RALYL: variants seen among roughly 807,000 people sequenced by gnomAD.
RALYL encodes the protein RNA-binding Raly-like protein.
Under a neutral mutation model 35.1 loss-of-function variants are expected in RALYL, and 29 were observed. That is an observed-to-expected ratio of 0.83 (90% CI 0.61 to 1.13). The LOEUF (loss-of-function observed/expected upper bound fraction) is 1.13, where lower values mean the gene tolerates loss of function less well. Ranked by LOEUF, RALYL falls within the 50% of genes most tolerant of loss-of-function variation. The pLI is 0.00. For synonymous variants in RALYL, 120 were observed against 127.6 expected (o/e 0.94, Z 0.40); for missense variants, 359 against 360.4 (o/e 1.00, Z 0.03).
chr8:84,432,348 A>G (rs757971051), intron 1 of RALYL, among the ~76,000 whole-genome samples: 1 of 152,124 alleles, frequency 6.6e-6, no homozygotes, highest in African/African-American at 2.4e-5. Flanking sequence ...AGAGGCAGAG[A>G]ATAGAATGGT....
At chr8:84,444,918 G>C (rs1234596649) in intron 1 of RALYL, among the ~76,000 whole-genome samples, 1 of 152,014 alleles carries the variant, frequency 6.6e-6, no homozygotes, top group African/African-American at 2.4e-5. Context: ...TGAGAACTTA[G>C]ATTAGAAAGA....
chr8:84,661,623 ATTTAT>A (rs1306679537), intron 2 of RALYL, among the ~76,000 whole-genome samples: 32 of 122,090 alleles, frequency 2.6e-4, no homozygotes, highest in Admixed American at 2.3e-3. Context: ...ATTTTATTTT[ATTTAT>A]TTTATTTATT....
At chr8:84,575,788 A>AGTG (rs1809248479) in intron 2 of RALYL, among the ~76,000 whole-genome samples, 1 of 152,118 alleles carries the variant, frequency 6.6e-6, no homozygotes, top group Non-Finnish European at 1.5e-5. Context: ...GGAGACAGAA[A>AGTG]GTGATTGAAG....
chr8:84,491,549 T>C (rs13256795), intron 1 of RALYL, among the ~76,000 whole-genome samples: 53,001 of 151,768 alleles, frequency 0.35, 9,562 homozygotes, highest in South Asian at 0.52. Flanking sequence ...AGCTGATTCC[T>C]ACTAATGTTT....
chr8:84,615,570 C>CTTTTTTTTTTTTT (rs60428128), intron 2 of RALYL, among the ~76,000 whole-genome samples: 75 of 67,396 alleles, frequency 1.1e-3, no homozygotes, highest in African/African-American at 1.7e-3. Flanking sequence ...GAACTTTCGT[C>CTTTTTTTTTTTTT]TTTTTTTTTT....
At chr8:84,334,502 A>C (rs926269189) in intron 1 of RALYL, among the ~76,000 whole-genome samples, 4 of 151,188 alleles carry the variant, frequency 2.6e-5, no homozygotes, top group Non-Finnish European at 5.9e-5. Flanking sequence ...TTCTTAAATT[A>C]TAAATATCAT....
intron 1 of RALYL, among the ~76,000 whole-genome samples, chr8:84,374,674 A>C (rs1856571962): frequency 6.6e-6 from 1 of 151,832 alleles, no homozygotes; most frequent in East Asian, 2.0e-4. Context: ...TCATGCACAC[A>C]AAAAGGGAAA....
chr8:84,782,879 T>C (rs1272449852), intron 3 of RALYL, among the ~76,000 whole-genome samples: 3 of 152,228 alleles, frequency 2.0e-5, no homozygotes, highest in African/African-American at 7.2e-5. Context: ...ATTTCATTTG[T>C]TTTCATTATT....
At chr8:84,703,664 T>A (rs1227148633) in intron 2 of RALYL, among the ~76,000 whole-genome samples, 1 of 152,154 alleles carries the variant, frequency 6.6e-6, no homozygotes, top group Non-Finnish European at 1.5e-5. Flanking sequence ...TCAATGACAT[T>A]TGAGTCATTA....
At chr8:84,681,707 C>T (rs114262676) in intron 2 of RALYL, among the ~76,000 whole-genome samples, 2,201 of 152,178 alleles carry the variant, frequency 0.014, 62 homozygotes, top group African/African-American at 0.049. Flanking sequence ...AACTGTTTGC[C>T]GCAGTTGCTT....
intron 2 of RALYL, among the ~76,000 whole-genome samples, chr8:84,741,194 C>T (rs1043354870): frequency 4.6e-5 from 7 of 151,882 alleles, no homozygotes; most frequent in Non-Finnish European, 8.8e-5. Flanking sequence ...GAAAGAACAT[C>T]GTGTCTCTTG....
intron 2 of RALYL, among the ~76,000 whole-genome samples, chr8:84,724,270 C>G (rs985165072): frequency 2.0e-5 from 3 of 151,752 alleles, no homozygotes; most frequent in Non-Finnish European, 4.4e-5. Flanking sequence ...GAAATTTAAT[C>G]AGTAGTCTTC....
intron 4 of RALYL, among the ~76,000 whole-genome samples, chr8:84,831,792 A>G (rs1415624842): frequency 3.9e-5 from 6 of 152,158 alleles, no homozygotes; most frequent in Non-Finnish European, 5.9e-5. Context: ...AATAGAAACC[A>G]TAACAATAAG....
intron 1 of RALYL, among the ~76,000 whole-genome samples, chr8:84,371,205 T>C (rs1477018511): frequency 6.6e-6 from 1 of 152,042 alleles, no homozygotes; most frequent in Non-Finnish European, 1.5e-5. Context: ...AGCACATTCA[T>C]ATATTTAATA....
intron 1 of RALYL, among the ~76,000 whole-genome samples, chr8:84,288,681 A>G (rs1005694021): frequency 6.6e-6 from 1 of 152,186 alleles, no homozygotes; most frequent in Non-Finnish European, 1.5e-5. Context: ...AGATATTTTC[A>G]TCTTACAGTT....
chr8:84,195,645 T>G (rs2130927320), intron 1 of RALYL, among the ~76,000 whole-genome samples: 2 of 152,290 alleles, frequency 1.3e-5, no homozygotes, highest in East Asian at 3.9e-4. Context: ...TTTCTCCCCT[T>G]TCTAGTGACT....
intron 1 of RALYL, among the ~76,000 whole-genome samples, chr8:84,314,343 T>C (rs1000953732): frequency 1.3e-5 from 2 of 151,970 alleles, no homozygotes; most frequent in African/African-American, 4.8e-5. Context: ...ACATTATATA[T>C]AATACCTTAA....
chr8:84,519,297 C>T (rs114258950), intron 1 of RALYL, among the ~76,000 whole-genome samples: 2,351 of 152,242 alleles, frequency 0.015, 61 homozygotes, highest in African/African-American at 0.053. Context: ...AAAATGATAA[C>T]AGTTTCTGGG....
At chr8:84,420,042 G>A (rs908671696) in intron 1 of RALYL, among the ~76,000 whole-genome samples, 1 of 151,108 alleles carries the variant, frequency 6.6e-6, no homozygotes, top group East Asian at 1.9e-4. Context: ...ATGATTTATA[G>A]TCCTTTGGGT....
Sources: gnomAD v4.1 joint callset for allele counts (sites outside exome capture counted in the v4.1 genomes callset) on GRCh38, gnomAD v4.1.1 for gene constraint, MANE v1.5 for transcripts, NCBI Gene and HGNC (gene_info 2026-07-23, HGNC 2026-07-21) for gene names.